Variants in LHX9 observed in about 807,000 individuals in gnomAD.
LHX9 encodes LIM homeobox 9, also known as LIM/homeobox protein Lhx9.
In LHX9, 9 loss-of-function variants were observed where a neutral mutation model predicts 36.5. That is an observed-to-expected ratio of 0.25 (90% CI 0.15 to 0.43). The LOEUF (loss-of-function observed/expected upper bound fraction) is 0.43, where lower values mean the gene tolerates loss of function less well. LHX9 is among the 20% of genes least tolerant of loss of function. The pLI is 1.00. For missense variants in LHX9, 464 were observed against 526.4 expected (o/e 0.88, Z 1.16); for synonymous variants, 211 against 212.1 (o/e 0.99, Z 0.04).
rs1660390267 is a variant in LHX9 at position 197,933,859 on chromosome 1, T to C, written c.*4600T>C. Reference sequence around the variant, plus strand: ...TGTGCTTTACTGTGATGTAAAGCAGTCTTTGAGTCTGGGCAACTGCACATT... The same window carrying C: ...TGTGCTTTACTGTGATGTAAAGCAGCCTTTGAGTCTGGGCAACTGCACATT... On this transcript the variant is annotated 3_prime_UTR_variant, in exon 5 of 5. Transcript: ENST00000367387. 6.6e-6 allele frequency: 1 copy of C among 151,972 alleles called. No individual in the cohort carries two copies. The highest frequency in any genetic ancestry group is 1.5e-5 in the Non-Finnish European group (1 of 67,992). 9.4% of individuals were successfully genotyped at this position (151,972 alleles called of 1,614,324 possible).
upstream of LHX9, chr1:197,916,721 G>C (rs550609081): frequency 1.4e-6 from 1 of 702,848 alleles, no homozygotes; most frequent in Non-Finnish European, 2.6e-6. Context: ...GATGAAGCCA[G>C]CATCTAGTAG....
chr1:197,928,886 C>T, intron 4 of LHX9, 116 bp from the exon 5 acceptor site: 1 of 1,074,810 alleles, frequency 9.3e-7, no homozygotes, highest in Admixed American at 4.9e-5. Flanking sequence ...AAAGGAGAAA[C>T]CTATATCAAA....
At position 197,919,989 on chromosome 1, in the gene LHX9, C is replaced by T. The variant is rs779976237; in HGVS notation, c.192C>T (p.Ser64=). 3.1e-6 allele frequency: 5 copies of T among 1,614,162 alleles called. No individual in the cohort carries two copies. In the East Asian group the frequency reaches 1.1e-4, roughly 36 times the overall value. Residue 64 remains serine, a synonymous_variant, in exon 2 of 5, where the codon AGC becomes AGT. Transcript: ENST00000367387. The part of the protein sequence containing the change: ...NGRDAGMPPL[S]PEKPALCAGC... Reference sequence around the variant, plus strand: ...CTTTGCAGGGCATGCCCCCGCTCAGCCCGGAGAAGCCCGCCCTGTGCGCCG... The same window carrying T: ...CTTTGCAGGGCATGCCCCCGCTCAGTCCGGAGAAGCCCGCCCTGTGCGCCG...
intron 2 of LHX9, 114 bp downstream of exon 2, chr1:197,920,288 T>C (rs1215749608): frequency 7.7e-6 from 7 of 909,160 alleles, no homozygotes; most frequent in South Asian, 2.9e-5. Flanking sequence ...GGTGCTGTTA[T>C]CATTTCGGAG....
At chr1:197,917,107 T>TGG, upstream of LHX9, 1 of 178,532 alleles carries the variant, frequency 5.6e-6, no homozygotes, top group Non-Finnish European at 1.1e-5. Context: ...TGTGTGTGTG[T>TGG]GTGTGTGTGC....
chr1:197,924,181 A>T (rs1334687989), intron 3 of LHX9, among the ~76,000 whole-genome samples: 1 of 152,240 alleles, frequency 6.6e-6, no homozygotes, highest in Non-Finnish European at 1.5e-5. Flanking sequence ...ATGTAAAAAA[A>T]TAAAATAAAT....
rs533421998 is a variant in LHX9, at chr1:197,918,145, A to G, written c.174+148A>G. The G allele has an allele frequency of 2.9e-5, 24 of 830,938 alleles. No individual in the cohort carries two copies. The African/African-American group carries it at 3.6e-4, about 12-fold the overall frequency. The allele number at this position is 830,938 out of a possible 1,614,324, so 51.5% of individuals were successfully genotyped here. A position where few individuals can be genotyped will look rare whatever the true frequency, so the allele number is the denominator to read the frequency against. ...CGGGTGAGTTTTCTCCCGTCCACCT[A>G]TGCCTACAGGGCTAAGAAACGGTCG... On this transcript the variant is annotated intron_variant, in intron 1 of 4. Coordinates refer to ENST00000367387, the MANE Select transcript of LHX9 (RefSeq NM_020204.3).
chr1:197,924,388 G>T (rs1660085244), intron 3 of LHX9, among the ~76,000 whole-genome samples: 1 of 152,222 alleles, frequency 6.6e-6, no homozygotes, highest in Non-Finnish European at 1.5e-5. Flanking sequence ...GTGAAACTTG[G>T]CAAAGGCCAG....
rs774039110 is a variant in LHX9, at chr1:197,929,670, A to C, written c.*411A>C. 11 of 915,894 alleles carry C rather than the reference A, an allele frequency of 1.2e-5. No homozygotes were observed. The highest frequency in any genetic ancestry group is 5.6e-4 in the Middle Eastern group (1 of 1,784). 56.7% of individuals were successfully genotyped at this position (915,894 alleles called of 1,614,324 possible). ...GATTAGGTTAATAAAGAACCAGATA[A>C]TTAATTAGTTACTTTTTAAATCTTG... is the stretch of plus-strand genomic sequence containing the variant. On this transcript the variant is annotated 3_prime_UTR_variant, in exon 5 of 5. Transcript: ENST00000367387.
chr1:197,913,497 C>A (rs1268469997), upstream of LHX9, among the ~76,000 whole-genome samples: 1 of 152,164 alleles, frequency 6.6e-6, no homozygotes, highest in African/African-American at 2.4e-5. Context: ...GATCTGCCAA[C>A]CTCAGTGTAG....
chr1:197,925,722 T>C (rs1225258986), intron 3 of LHX9, among the ~76,000 whole-genome samples: 1 of 152,224 alleles, frequency 6.6e-6, no homozygotes, highest in Non-Finnish European at 1.5e-5. Flanking sequence ...GCATACTCTT[T>C]CTGTTATCTC....
Position 197,930,626 on chromosome 1 carries a change from A to AAGTG in LHX9, c.*1368_*1371dup, listed in dbSNP as rs570427230. On this transcript the variant is annotated 3_prime_UTR_variant, in exon 5 of 5. Coordinates refer to ENST00000367387, the MANE Select transcript of LHX9 (RefSeq NM_020204.3). ...CCCCTTAAATCTCCTTTGGTGGTCG[A>AAGTG]AGTGGCTATTTAATAGATTTTAAAG... 6.6e-6 allele frequency: 1 copy of AAGTG among 152,156 alleles called. No homozygotes were observed. Among genetic ancestry groups the AAGTG allele is most frequent in the South Asian group, 2.1e-4 (1 of 4,828 alleles). 9.4% of individuals were successfully genotyped at this position (152,156 alleles called of 1,614,324 possible).
Position 197,931,711 on chromosome 1 carries a change from CCA to C in LHX9, c.*2454_*2455del, listed in dbSNP as rs1660332135. ...ATTTGCTTATAACAAAAGTAATGCC[CCA>C]CTGATTTGACTCAGTCCAATTTTTA... On this transcript the variant is annotated 3_prime_UTR_variant, in exon 5 of 5. Transcript: ENST00000367387. 3.1e-5 allele frequency: 14 copies of C among 450,838 alleles called. No homozygotes were observed. The East Asian group carries it at 4.4e-4, about 14-fold the overall frequency. 27.9% of individuals were successfully genotyped at this position (450,838 alleles called of 1,614,324 possible). A position where few individuals can be genotyped will look rare whatever the true frequency, so the allele number is the denominator to read the frequency against.
chr1:197,927,171 G>A (rs891524107), intron 3 of LHX9, among the ~76,000 whole-genome samples: 1 of 152,142 alleles, frequency 6.6e-6, no homozygotes, highest in Non-Finnish European at 1.5e-5. Context: ...TCTCATTCCA[G>A]AAATATAGAC....
At position 197,917,659 on chromosome 1, in the gene LHX9, C is replaced by A; in HGVS notation, c.-165C>A. Reference sequence around the variant, plus strand: ...AACTCTTCCCAGTTCTTTTTGCTTCCCCTCGGCCCCCCAAGCAGACCGATT... The same window carrying A: ...AACTCTTCCCAGTTCTTTTTGCTTCACCTCGGCCCCCCAAGCAGACCGATT... On this transcript the variant is annotated 5_prime_UTR_variant, in exon 1 of 5. Transcript: ENST00000367387. The A allele has an allele frequency of 6.6e-7, 1 of 1,526,338 alleles. No individual in the cohort carries two copies. 94.5% of individuals were successfully genotyped at this position (1,526,338 alleles called of 1,614,324 possible).
Position 197,921,244 on chromosome 1 carries a change from G to A in LHX9, c.378-60G>A. 1 of 1,448,306 alleles carries A rather than the reference G, an allele frequency of 6.9e-7. No individual in the cohort carries two copies. The highest frequency in any genetic ancestry group is 2.3e-5 in the East Asian group (1 of 43,506). 89.7% of individuals were successfully genotyped at this position (1,448,306 alleles called of 1,614,324 possible). A position where few individuals can be genotyped will look rare whatever the true frequency, so the allele number is the denominator to read the frequency against. ...ACTGCAGACCAAACCCAGGTGTCGC[G>A]GGTGGGATATGGCTCTGCCTTGCTT... On this transcript the variant is annotated intron_variant, in intron 2 of 4. Transcript: ENST00000367387. The surrounding 1 kb of genome is among the most constrained non-coding windows in gnomAD (Gnocchi z 4.6).
upstream of LHX9, among the ~76,000 whole-genome samples, chr1:197,913,523 A>G (rs545017671): frequency 3.3e-5 from 5 of 152,138 alleles, no homozygotes; most frequent in Non-Finnish European, 7.4e-5. Context: ...AATTTTCCAC[A>G]TGGAGTATCT....
At chr1:197,927,089 T>C (rs956991324) in intron 3 of LHX9, among the ~76,000 whole-genome samples, 7 of 152,208 alleles carry the variant, frequency 4.6e-5, no homozygotes, top group African/African-American at 1.7e-4. Context: ...TCAGAAACTT[T>C]CAGACTTGAG....
chr1:197,931,575 A>G lies in LHX9; in HGVS notation c.*2316A>G, dbSNP rs1660327849. 5.1e-6 allele frequency: 1 copy of G among 195,686 alleles called. No individual in the cohort carries two copies. The highest frequency in any genetic ancestry group is 5.7e-5 in the Admixed American group (1 of 17,656). 12.1% of individuals were successfully genotyped at this position (195,686 alleles called of 1,614,324 possible). A position where few individuals can be genotyped will look rare whatever the true frequency, so the allele number is the denominator to read the frequency against. On this transcript the variant is annotated 3_prime_UTR_variant, in exon 5 of 5. Transcript: ENST00000367387. ...TCAAATGGTAATACAACATTGTTAG[A>G]AATATTTAAACATACAAATAGTTTT...
Sources: allele counts gnomAD v4.1 joint callset (sites outside exome capture counted in the v4.1 genomes callset), GRCh38; gene constraint gnomAD v4.1.1; non-coding constraint Gnocchi (gnomAD v3.1); transcripts MANE v1.5; gene names NCBI Gene and HGNC (gene_info 2026-07-23, HGNC 2026-07-21).